KLK7: variants seen among roughly 807,000 people sequenced by gnomAD.
KLK7 encodes kallikrein-7.
A neutral mutation model predicts 21.0 loss-of-function variants in KLK7; 17 were observed. That is an observed-to-expected ratio of 0.81 (90% CI 0.55 to 1.21). KLK7 has a LOEUF of 1.21. Among genes scored for constraint, KLK7 ranks in the 50% most tolerant of loss-of-function variants. The pLI, the probability that KLK7 is intolerant of heterozygous loss-of-function variation, is 0.00. For synonymous variants in KLK7, 151 were observed against 134.6 expected, an observed-to-expected ratio of 1.12 and a Z score of -0.85; for missense variants, 330 against 322.8, an observed-to-expected ratio of 1.02 and a Z score of -0.17.
At chr19:50,978,035 G>T (rs77510425) in intron 5 of KLK7, among the ~76,000 whole-genome samples, 1 of 152,192 alleles carries the variant, frequency 6.6e-6, no homozygotes, top group South Asian at 2.1e-4. Context: ...GCCCTGTGGC[G>T]CAGGAAAGGG....
intron 2 of KLK7, 89 bp from the exon 3 acceptor site, chr19:50,982,003 A>T (rs2091093216): frequency 7.5e-7 from 1 of 1,337,710 alleles, no homozygotes; most frequent in Non-Finnish European, 1.0e-6. Flanking sequence ...TCAGAGATGG[A>T]CAGAGACAGA....
At position 50,981,915 on chromosome 19, in the gene KLK7, C is replaced by G. The variant is rs2091092344; in HGVS notation, c.74-1G>C. On this transcript the variant is annotated splice_acceptor_variant, in intron 2 of 5. Transcript: ENST00000595820. LOFTEE classifies it high-confidence loss of function. ...CCATCAATAATCTTGTCACCCTGGG[C>G]TGGATGGAGACATGGAGGAGCACGT... is the stretch of plus-strand genomic sequence containing the variant. The G allele has an allele frequency of 1.2e-6, 2 of 1,612,410 alleles. No homozygotes were observed. The highest frequency in any genetic ancestry group is 3.3e-5 in the Admixed American group (2 of 59,914).
At chr19:50,978,589 A>G (rs1237838936) in intron 5 of KLK7, among the ~76,000 whole-genome samples, 3 of 126,460 alleles carry the variant, frequency 2.4e-5, no homozygotes, top group Non-Finnish European at 5.0e-5. Flanking sequence ...GGTGGAGAAG[A>G]AAGAGGGAGA....
chr19:50,982,527 C>CCTCCCTCAGACCCAGGAGTCCAGG (rs2091097855), intron 1 of KLK7, 70 bp from the exon 2 acceptor site: 1 of 1,394,856 alleles, frequency 7.2e-7, no homozygotes, highest in African/African-American at 1.4e-5. Flanking sequence ...CCCAGCCCCT[C>CCTCCCTCAGACCCAGGAGTCCAGG]CCCCCACAGA....
At chr19:50,979,300 A>G (rs1413996075) in intron 5 of KLK7, among the ~76,000 whole-genome samples, 34 of 152,208 alleles carry the variant, frequency 2.2e-4, no homozygotes. Flanking sequence ...CATGGTATCC[A>G]CATTTTAAAT....
chr19:50,982,232 C>A (rs2122264571), intron 2 of KLK7, 95 bp downstream of exon 2: 2 of 1,475,162 alleles, frequency 1.4e-6, no homozygotes, highest in Non-Finnish European at 1.9e-6. Flanking sequence ...AGGATGGAAG[C>A]TGTTTGAGGA....
chr19:50,978,273 C>G (rs1041440588), intron 5 of KLK7, among the ~76,000 whole-genome samples: 1 of 152,146 alleles, frequency 6.6e-6, no homozygotes, highest in Non-Finnish European at 1.5e-5. Context: ...GGGGAACACC[C>G]TATTCTCTAG....
At chr19:50,982,133 A>C in intron 2 of KLK7, 194 bp downstream of exon 2, 2 of 855,822 alleles carry the variant, frequency 2.3e-6, no homozygotes, top group Non-Finnish European at 3.6e-6. Context: ...GACCCTGAGC[A>C]CAGGAGGCAG....
rs2091043674 is a variant in KLK7 at position 50,977,038 on chromosome 19, C to T, written c.*498G>A. 1 of 154,272 alleles carries T rather than the reference C, an allele frequency of 6.5e-6. No individual in the cohort carries two copies. The highest frequency in any genetic ancestry group is 6.4e-5 in the Admixed American group (1 of 15,698). 9.6% of individuals were successfully genotyped at this position (154,272 alleles called of 1,614,324 possible). ...GCAGCCCAAGCAACAGAGACTCTGT[C>T]TCAAAGAAAAAAAACATCGTTGTGC... is the stretch of plus-strand genomic sequence containing the variant. On this transcript the variant is annotated 3_prime_UTR_variant, in exon 6 of 6. Transcript: ENST00000595820.
chr19:50,977,545 C>A lies in KLK7; in HGVS notation c.753G>T (p.Lys251Asn). The A allele has an allele frequency of 1.2e-6, 2 of 1,613,702 alleles. No homozygotes were observed. The highest frequency in any genetic ancestry group is 1.7e-6 in the Non-Finnish European group (2 of 1,179,782). Reference protein sequence around the residue: ...FTKWINDTMKKHR With the variant: ...FTKWINDTMKNHR Reference sequence around the variant, plus strand: ...TTAACTCAGTGTGGCGTTAGCGATGCTTTTTCATGGTGTCATTTATCCACT... The same window carrying A: ...TTAACTCAGTGTGGCGTTAGCGATGATTTTTCATGGTGTCATTTATCCACT... The change falls in exon 6 of 6, where the codon AAG (lysine) becomes AAT (asparagine). Residue 251 changes from lysine to asparagine, a missense_variant. Transcript: ENST00000595820.
At chr19:50,983,758 GC>G in intron 1 of KLK7, 92 bp downstream of exon 1, 1 of 1,263,702 alleles carries the variant, frequency 7.9e-7, no homozygotes, top group Non-Finnish European at 1.0e-6. Context: ...GGGAGTCTAG[GC>G]TGCAGCCCCT....
chr19:50,984,032 G>T, upstream of KLK7: 1 of 762,836 alleles, frequency 1.3e-6, no homozygotes, highest in Non-Finnish European at 1.9e-6. Flanking sequence ...TGCGGTTCTG[G>T]TTATCTGGAA....
At chr19:50,980,789 G>GAGAGACACAGAGAGAGGAGAGGGGAC (rs2091074449) in intron 3 of KLK7, among the ~76,000 whole-genome samples, 1 of 122,158 alleles carries the variant, frequency 8.2e-6, no homozygotes, top group African/African-American at 3.1e-5. Context: ...GGAGGGGGGA[G>GAGAGACACAGAGAGAGGAGAGGGGAC]AGAGACACAG....
At position 50,979,864 on chromosome 19, in the gene KLK7, G is replaced by A. The variant is rs1002530178; in HGVS notation, c.530C>T (p.Thr177Met). Reference protein sequence around the residue: ...DVKLISPQDCTKVYKDLLENS... With the variant: ...DVKLISPQDCMKVYKDLLENS... The stretch of plus-strand genomic sequence containing the variant: ...TTCCAGTAAGTCCTTGTAAACCTTC[G>A]TGCAGTCCTGGGGGGAGATGAGCTT... Residue 177 changes from threonine to methionine, a missense_variant, in exon 5 of 6, where the codon ACG (threonine) becomes ATG (methionine). Coordinates refer to ENST00000595820, the MANE Select transcript of KLK7 (RefSeq NM_005046.4). 19 of 1,588,168 alleles carry A rather than the reference G, an allele frequency of 1.2e-5. No individual in the cohort carries two copies. The highest frequency in any genetic ancestry group is 3.6e-5 in the Admixed American group (2 of 55,752).
chr19:50,979,158 C>G (rs1210334924), intron 5 of KLK7, among the ~76,000 whole-genome samples: 1 of 151,994 alleles, frequency 6.6e-6, no homozygotes, highest in Admixed American at 6.6e-5. Flanking sequence ...AGAGTGTTTT[C>G]CCCGGGACCA....
intron 1 of KLK7, among the ~76,000 whole-genome samples, chr19:50,983,461 G>A (rs1271182672): frequency 8.9e-6 from 1 of 111,864 alleles, no homozygotes; most frequent in Non-Finnish European, 1.9e-5. Context: ...AGGAGTCCAG[G>A]CCCCCAGCCC....
chr19:50,979,069 A>C (rs1364890156), intron 5 of KLK7, among the ~76,000 whole-genome samples: 1 of 152,100 alleles, frequency 6.6e-6, no homozygotes, highest in African/African-American at 2.4e-5. Flanking sequence ...TGTCACAAAG[A>C]GAGATGTGGG....
At chr19:50,981,956 G>C in intron 2 of KLK7, 42 bp from the exon 3 acceptor site, 1 of 1,601,814 alleles carries the variant, frequency 6.2e-7, no homozygotes, top group East Asian at 2.2e-5. Flanking sequence ...GCTAGCATTA[G>C]GGGAAGGCTG....
At position 50,977,460 on chromosome 19, in the gene KLK7, A is replaced by C; in HGVS notation, c.*76T>G. Reference sequence around the variant, plus strand: ...TTGAGGAAAGGTAAAGTCAAATTTGACTTCATAGGTCATCGGCGTCCTCAC... The same window carrying C: ...TTGAGGAAAGGTAAAGTCAAATTTGCCTTCATAGGTCATCGGCGTCCTCAC... On this transcript the variant is annotated 3_prime_UTR_variant, in exon 6 of 6. Transcript: ENST00000595820. The C allele has an allele frequency of 7.1e-7, 1 of 1,408,164 alleles. No individual in the cohort carries two copies. Among genetic ancestry groups the C allele is most frequent in the Admixed American group, 1.8e-5 (1 of 55,636 alleles). 87.2% of individuals were successfully genotyped at this position (1,408,164 alleles called of 1,614,324 possible).
Sources: allele counts gnomAD v4.1 joint callset (sites outside exome capture counted in the v4.1 genomes callset), GRCh38; gene constraint gnomAD v4.1.1; transcripts MANE v1.5; gene names NCBI Gene and HGNC (gene_info 2026-07-23, HGNC 2026-07-21).